Variants in PDE4D observed in about 807,000 individuals in gnomAD.
The protein encoded by PDE4D is 3',5'-cyclic-AMP phosphodiesterase 4D.
A neutral mutation model predicts 87.4 loss-of-function variants in PDE4D; 24 were observed. The ratio of observed to expected loss-of-function variants is 0.27; its 90% CI spans 0.20 to 0.39. PDE4D has a LOEUF of 0.39. PDE4D is among the 10% of genes least tolerant of loss of function. The pLI, the probability that PDE4D is intolerant of heterozygous loss-of-function variation, is 1.00. For synonymous variants in PDE4D, 384 were observed against 383.2 expected (o/e 1.00, Z -0.02); for missense variants, 714 against 1,041.0 (o/e 0.69, Z 4.32).
chr5:59,609,823 G>A (rs1013100104), intron 1 of PDE4D, among the ~76,000 whole-genome samples: 34 of 152,138 alleles, frequency 2.2e-4, no homozygotes, highest in African/African-American at 8.2e-4. Flanking sequence ...CTTCCTGAAA[G>A]GTGTAGTGGT....
At chr5:59,727,277 T>G (rs568677929) in intron 1 of PDE4D, among the ~76,000 whole-genome samples, 13 of 152,082 alleles carry the variant, frequency 8.5e-5, no homozygotes, top group Non-Finnish European at 1.9e-4. Context: ...TACAACATAA[T>G]TTTTGAGTCT....
chr5:60,413,596 C>T (rs895335429), intron 1 of PDE4D, among the ~76,000 whole-genome samples: 1 of 152,192 alleles, frequency 6.6e-6, no homozygotes, highest in Non-Finnish European at 1.5e-5. Context: ...GTCATTCCTT[C>T]CACCTTCATA....
At chr5:59,457,901 A>T (rs570554775) in intron 1 of PDE4D, among the ~76,000 whole-genome samples, 1 of 152,328 alleles carries the variant, frequency 6.6e-6, no homozygotes, top group East Asian at 1.9e-4. Context: ...TGTCTAAAAA[A>T]AAAGAAAAAG....
chr5:59,638,489 A>T (rs767380881), intron 1 of PDE4D, among the ~76,000 whole-genome samples: 16 of 152,142 alleles, frequency 1.1e-4, no homozygotes, highest in Non-Finnish European at 2.2e-4. Flanking sequence ...TTCATCATAA[A>T]TGCTACTTAA....
At chr5:60,172,265 T>TACACACACACAC (rs58938460) in intron 2 of PDE4D, among the ~76,000 whole-genome samples, 30 of 141,020 alleles carry the variant, frequency 2.1e-4, no homozygotes, top group African/African-American at 6.6e-4. Flanking sequence ...AGTACTTCAA[T>TACACACACACAC]ACACACACAC....
intron 1 of PDE4D, among the ~76,000 whole-genome samples, chr5:60,485,225 T>C (rs552830237): frequency 7.2e-5 from 11 of 152,282 alleles, no homozygotes; most frequent in African/African-American, 2.6e-4. Flanking sequence ...GTTTCATTCG[T>C]TTTGTTCTGC....
At chr5:59,459,972 A>T (rs1024716284) in intron 1 of PDE4D, among the ~76,000 whole-genome samples, 1 of 152,348 alleles carries the variant, frequency 6.6e-6, no homozygotes, top group African/African-American at 2.4e-5. Flanking sequence ...ATAATGAGTC[A>T]AACTAGCCAT....
intron 3 of PDE4D, chr5:59,988,296 A>G: frequency 2.1e-6 from 1 of 482,264 alleles, no homozygotes; most frequent in Non-Finnish European, 3.7e-6. Flanking sequence ...CATGTAAAAC[A>G]ATTTCACTAA....
intron 2 of PDE4D, among the ~76,000 whole-genome samples, chr5:60,115,308 G>A (rs1778069433): frequency 1.3e-5 from 2 of 151,934 alleles, no homozygotes; most frequent in South Asian, 4.1e-4. Context: ...GCATCACCAG[G>A]GTAAGATTCG....
At chr5:60,011,507 G>A (rs1056444196) in intron 2 of PDE4D, among the ~76,000 whole-genome samples, 1 of 152,032 alleles carries the variant, frequency 6.6e-6, no homozygotes. Flanking sequence ...TTGTAACAAC[G>A]TTTACTTCTA....
chr5:59,360,099 G>A (rs1259973416), intron 1 of PDE4D, among the ~76,000 whole-genome samples: 1 of 152,112 alleles, frequency 6.6e-6, no homozygotes, highest in Admixed American at 6.5e-5. Context: ...TTGGGTTTCG[G>A]TGTCTGACAC....
At chr5:59,561,724 G>T (rs1352971762) in intron 1 of PDE4D, among the ~76,000 whole-genome samples, 1 of 152,028 alleles carries the variant, frequency 6.6e-6, no homozygotes, top group Non-Finnish European at 1.5e-5. Flanking sequence ...GTGGTCAGGA[G>T]TTTGAGACCA....
At chr5:59,047,425 T>C (rs1473406934) in intron 5 of PDE4D, among the ~76,000 whole-genome samples, 1 of 152,200 alleles carries the variant, frequency 6.6e-6, no homozygotes, top group East Asian at 1.9e-4. Flanking sequence ...TTGGAGGACT[T>C]GTATACTATT....
intron 2 of PDE4D, among the ~76,000 whole-genome samples, chr5:60,012,164 T>G (rs1765079266): frequency 6.6e-6 from 1 of 152,190 alleles, no homozygotes; most frequent in Non-Finnish European, 1.5e-5. Flanking sequence ...TATCAATGCC[T>G]AAGATACATT....
chr5:59,249,119 A>G (rs1364535012), intron 1 of PDE4D, among the ~76,000 whole-genome samples: 3 of 152,140 alleles, frequency 2.0e-5, no homozygotes, highest in Admixed American at 6.6e-5. Context: ...GAACTCTTGC[A>G]AAAAGTAAAA....
At chr5:59,438,451 ATAG>A (rs1246040380) in intron 1 of PDE4D, among the ~76,000 whole-genome samples, 11 of 152,296 alleles carry the variant, frequency 7.2e-5, no homozygotes, top group African/African-American at 2.6e-4. Context: ...GTCTCTGAAA[ATAG>A]TAGATGCAAG....
intron 1 of PDE4D, among the ~76,000 whole-genome samples, chr5:59,892,232 G>C (rs1430781761): frequency 6.6e-6 from 1 of 152,138 alleles, no homozygotes; most frequent in Non-Finnish European, 1.5e-5. Flanking sequence ...GGCTGTAATT[G>C]GTCCTTTACT....
At chr5:59,456,773 A>G (rs976101760) in intron 1 of PDE4D, among the ~76,000 whole-genome samples, 38 of 152,298 alleles carry the variant, frequency 2.5e-4, no homozygotes, top group African/African-American at 7.9e-4. Context: ...GGAGTTTGAG[A>G]AAAGTTGATT....
At chr5:59,798,621 A>G (rs1766779145) in intron 1 of PDE4D, among the ~76,000 whole-genome samples, 1 of 152,220 alleles carries the variant, frequency 6.6e-6, no homozygotes, top group South Asian at 2.1e-4. Flanking sequence ...AAAGGCTAAC[A>G]CCTTCCATAT....
Sources: allele counts gnomAD v4.1 joint callset (sites outside exome capture counted in the v4.1 genomes callset), GRCh38; gene constraint gnomAD v4.1.1; transcripts MANE v1.5; gene names NCBI Gene and HGNC (gene_info 2026-07-23, HGNC 2026-07-21).